Variants in CCDC39 observed in about 807,000 individuals in gnomAD.
CCDC39 encodes the protein coiled-coil domain-containing protein 39.
A neutral mutation model predicts 121.0 loss-of-function variants in CCDC39; 113 were observed. The observed-to-expected ratio is 0.93, with a 90% CI of 0.80 to 1.09. CCDC39 has a LOEUF of 1.09. Among genes scored for constraint, CCDC39 ranks in the 50% least tolerant of loss-of-function variants. CCDC39 has a pLI of 0.00. For missense variants in CCDC39, 1,063 were observed against 1,074.7 expected (o/e 0.99, Z 0.15); for synonymous variants, 349 against 352.2 (o/e 0.99, Z 0.10).
At chr3:180,633,303 C>T (rs1386016145) in intron 13 of CCDC39, among the ~76,000 whole-genome samples, 2 of 152,096 alleles carry the variant, frequency 1.3e-5, no homozygotes, top group Non-Finnish European at 2.9e-5. Context: ...TTATGGAAAG[C>T]AAATGGCAAA....
At chr3:180,632,235 T>A (rs2108413519) in intron 13 of CCDC39, among the ~76,000 whole-genome samples, 1 of 152,332 alleles carries the variant, frequency 6.6e-6, no homozygotes, top group East Asian at 1.9e-4. Context: ...TTGAGAATTG[T>A]CTTCCAGAAT....
At position 180,626,184 on chromosome 3, in the gene CCDC39, G is replaced by C. The variant is rs142487720; in HGVS notation, c.1998+5285C>G. ...TGCATGGGAGTGGGTGTCAGCTGTGGTGGTATTTGTAGGTTGAATTGCCCC... is the reference window on the plus strand; with the variant it reads ...TGCATGGGAGTGGGTGTCAGCTGTGCTGGTATTTGTAGGTTGAATTGCCCC... On this transcript the variant is annotated intron_variant, in intron 14 of 19. Coordinates refer to ENST00000476379, the MANE Select transcript of CCDC39 (RefSeq NM_181426.2). 3.4e-3 allele frequency among the ~76,000 whole-genome samples: 512 copies of C among 152,228 alleles called. 3 individuals carry two copies. The highest frequency in any genetic ancestry group is 7.5e-3 in the Admixed American group (114 of 15,280).
intron 2 of CCDC39, 146 bp from the exon 3 acceptor site, chr3:180,662,153 A>T: frequency 1.4e-6 from 1 of 705,318 alleles, no homozygotes. Flanking sequence ...TAAAATCTAC[A>T]TTACATTAGA....
intron 1 of CCDC39, among the ~76,000 whole-genome samples, chr3:180,675,465 T>C: frequency 6.6e-6 from 1 of 152,204 alleles, no homozygotes. Context: ...AAGGGTTTTT[T>C]GTGTCTCTAT....
At chr3:180,663,834 C>A (rs368555831) in intron 2 of CCDC39, 33 bp downstream of exon 2, 11 of 1,602,490 alleles carry the variant, frequency 6.9e-6, no homozygotes, top group South Asian at 2.2e-5. Context: ...CATGACTACA[C>A]GATATAATCA....
chr3:180,644,969 G>A (rs1245221030), intron 11 of CCDC39, among the ~76,000 whole-genome samples: 2 of 152,048 alleles, frequency 1.3e-5, no homozygotes, highest in Admixed American at 6.6e-5. Flanking sequence ...TTGATTCTAC[G>A]CAAGTCCCAG....
chr3:180,651,351 C>T, intron 9 of CCDC39, 50 bp downstream of exon 9: 9 of 1,459,334 alleles, frequency 6.2e-6, no homozygotes, highest in Non-Finnish European at 7.5e-6. Flanking sequence ...AATTAATTCA[C>T]TGTTGCTAAA....
chr3:180,651,598 A>C (rs1419683720), intron 8 of CCDC39, 65 bp from the exon 9 acceptor site: 2 of 1,393,908 alleles, frequency 1.4e-6, no homozygotes, highest in Non-Finnish European at 1.9e-6. Flanking sequence ...CAAACAAATA[A>C]TAGTTTATCC....
At chr3:180,634,578 A>G (rs897040707) in intron 13 of CCDC39, among the ~76,000 whole-genome samples, 2 of 152,178 alleles carry the variant, frequency 1.3e-5, no homozygotes, top group African/African-American at 2.4e-5. Context: ...GGAAAGAAAC[A>G]TAAACCCTGA....
At chr3:180,622,084 A>G (rs1033194215) in intron 14 of CCDC39, among the ~76,000 whole-genome samples, 1 of 152,062 alleles carries the variant, frequency 6.6e-6, no homozygotes, top group African/African-American at 2.4e-5. Context: ...TGTGTCATCT[A>G]TAATTTCTTT....
intron 14 of CCDC39, among the ~76,000 whole-genome samples, chr3:180,620,569 C>G (rs1404961769): frequency 6.6e-6 from 1 of 151,862 alleles, no homozygotes; most frequent in Non-Finnish European, 1.5e-5. Flanking sequence ...AAGCGGTTCT[C>G]TAGAGCTGTA....
At chr3:180,650,655 G>A (rs1214781501) in intron 9 of CCDC39, among the ~76,000 whole-genome samples, 1 of 151,768 alleles carries the variant, frequency 6.6e-6, no homozygotes, top group Non-Finnish European at 1.5e-5. Flanking sequence ...TCAGGAGTTT[G>A]AGGCCAGCCT....
intron 16 of CCDC39, among the ~76,000 whole-genome samples, chr3:180,618,210 A>G (rs1383264819): frequency 6.6e-6 from 1 of 152,164 alleles, no homozygotes; most frequent in East Asian, 1.9e-4. Flanking sequence ...ATCAGAACAC[A>G]TTCCCATTGT....
At chr3:180,650,369 T>G (rs1483156721) in intron 9 of CCDC39, among the ~76,000 whole-genome samples, 1 of 152,004 alleles carries the variant, frequency 6.6e-6, no homozygotes, top group Non-Finnish European at 1.5e-5. Flanking sequence ...GAAGTACAAA[T>G]CAGGAATGTA....
intron 14 of CCDC39, among the ~76,000 whole-genome samples, chr3:180,627,580 G>C (rs1243486002): frequency 6.6e-6 from 1 of 152,124 alleles, no homozygotes; most frequent in Non-Finnish European, 1.5e-5. Flanking sequence ...AACTTAATTG[G>C]ACAGTGTCAT....
Position 180,659,875 on chromosome 3 carries a change from T to G in CCDC39, c.517-106A>C, listed in dbSNP as rs1711699899. ...TATTACACTATACATTTACATTTAT[T>G]TTATATCTAAAACTGTGAAATAATA... On this transcript the variant is annotated intron_variant, in intron 4 of 19. Transcript: ENST00000476379. The G allele has an allele frequency of 4.7e-6, 3 of 636,708 alleles. No individual in the cohort carries two copies. The South Asian group carries it at 1.0e-4, about 22-fold the overall frequency. The allele number at this position is 636,708 out of a possible 1,614,324, so 39.4% of individuals were successfully genotyped here.
chr3:180,635,514 G>A (rs527799609), intron 13 of CCDC39, among the ~76,000 whole-genome samples: 1 of 152,308 alleles, frequency 6.6e-6, no homozygotes, highest in African/African-American at 2.4e-5. Context: ...ACAGGCATTG[G>A]GTAAATGTTC....
intron 1 of CCDC39, among the ~76,000 whole-genome samples, chr3:180,666,370 T>C (rs966360723): frequency 2.0e-5 from 3 of 152,228 alleles, no homozygotes; most frequent in Admixed American, 1.3e-4. Context: ...ATGTTATCTA[T>C]TCAAGAGACA....
At chr3:180,662,899 T>C (rs566381767) in intron 2 of CCDC39, among the ~76,000 whole-genome samples, 23 of 152,136 alleles carry the variant, frequency 1.5e-4, no homozygotes, top group Non-Finnish European at 2.9e-4. Context: ...TCTCAGACAG[T>C]AGATGCACTT....
Sources: allele counts gnomAD v4.1 joint callset (sites outside exome capture counted in the v4.1 genomes callset), GRCh38; gene constraint gnomAD v4.1.1; transcripts MANE v1.5; gene names NCBI Gene and HGNC (gene_info 2026-07-23, HGNC 2026-07-21).